Variants in MYO7A observed in about 807,000 individuals in gnomAD.
MYO7A encodes unconventional myosin-VIIa.
A neutral mutation model predicts 263.8 loss-of-function variants in MYO7A; 210 were observed. The observed-to-expected ratio is 0.80, with a 90% CI of 0.71 to 0.89. The LOEUF is 0.89. Ranked by LOEUF, MYO7A falls within the 40% of genes least tolerant of loss-of-function variation. The pLI, the probability that MYO7A is intolerant of heterozygous loss-of-function variation, is 0.00. For missense variants in MYO7A, 2,820 were observed against 2,968.3 expected, an observed-to-expected ratio of 0.95 and a Z score of 1.16; for synonymous variants, 1,239 against 1,197.3, an observed-to-expected ratio of 1.03 and a Z score of -0.72.
rs751732283 is a variant in MYO7A at position 77,208,773 on chromosome 11, C to T, written c.6021C>T (p.Pro2007=). 3.2e-6 allele frequency: 5 copies of T among 1,574,702 alleles called. No individual in the cohort carries two copies. In the African/African-American group the frequency reaches 4.1e-5, roughly 13 times the overall value. Residue 2007 remains proline (P), a synonymous_variant, in exon 44 of 49, where the codon CCC becomes CCT. Transcript: ENST00000409709. ...LWTTTVPGKD[P]MADSIFHYYQ... is the part of the protein sequence containing the mutation. ...CCACCACGGTGCCAGGGAAGGATCC[C>T]ATGGCCGATTCCATCTTCCACTATT...
chr11:77,169,332 A>G (rs1555074586), intron 15 of MYO7A, among the ~76,000 whole-genome samples: 1 of 152,248 alleles, frequency 6.6e-6, no homozygotes, highest in Admixed American at 6.5e-5. Flanking sequence ...CAGCTGTGAT[A>G]AAGGCAGCTC....
At position 77,211,280 on chromosome 11, in the gene MYO7A, G is replaced by T. The variant is rs1457807342; in HGVS notation, c.6180G>T (p.Leu2060=). 3.2e-6 allele frequency: 5 copies of T among 1,581,114 alleles called. No individual in the cohort carries two copies. In the African/African-American group the frequency reaches 6.7e-5, roughly 21 times the overall value. The change falls in exon 45 of 49, where the codon CTG becomes CTT. Residue 2060 remains leucine, a synonymous_variant. Coordinates refer to ENST00000409709, the MANE Select transcript of MYO7A (RefSeq NM_000260.4). The stretch of plus-strand genomic sequence containing the variant: ...ACTTCCCCAGCATCCCCAAGCTGCT[G>T]CGGGAGCTGGTGCCCCAGGACCTTA... ...KSYFPSIPKL[L]RELVPQDLIR...
At chr11:77,160,439 GC>G (rs1445252932) in intron 11 of MYO7A, among the ~76,000 whole-genome samples, 157 bp downstream of exon 11, 1 of 152,192 alleles carries the variant, frequency 6.6e-6, no homozygotes, top group African/African-American at 2.4e-5. Flanking sequence ...AGTCCCAGGT[GC>G]CCATGCTCCT....
At position 77,211,310 on chromosome 11, in the gene MYO7A, G is replaced by C. The variant is rs1173289262; in HGVS notation, c.6210G>C (p.Arg2070=). The change falls in exon 45 of 49, where the codon CGG becomes CGC. Residue 2070 remains arginine (R), a synonymous_variant. Coordinates refer to ENST00000409709, the MANE Select transcript of MYO7A (RefSeq NM_000260.4). The stretch of plus-strand genomic sequence containing the variant: ...AGCTGGTGCCCCAGGACCTTATCCG[G>C]CAGGTCTCACCTGATGACTGGAAGC... ...LRELVPQDLI[R]QVSPDDWKRS... The C allele has an allele frequency of 1.3e-6, 2 of 1,583,216 alleles. No homozygotes were observed. The highest frequency in any genetic ancestry group is 2.7e-5 in the African/African-American group (2 of 74,270).
At chr11:77,143,012 G>A (rs1216545142) in intron 3 of MYO7A, among the ~76,000 whole-genome samples, 190 bp downstream of exon 3, 1 of 152,150 alleles carries the variant, frequency 6.6e-6, no homozygotes, top group African/African-American at 2.4e-5. Flanking sequence ...CCTGCCTCAG[G>A]CTACTTGTTC....
At chr11:77,172,597 G>A in intron 15 of MYO7A, 151 bp from the exon 16 acceptor site, 1 of 1,012,364 alleles carries the variant, frequency 9.9e-7, no homozygotes, top group South Asian at 1.6e-5. Context: ...CAGAAGGTGG[G>A]GAGAGGCAGT....
intron 27 of MYO7A, among the ~76,000 whole-genome samples, chr11:77,187,368 C>T (rs906332945): frequency 6.6e-6 from 1 of 152,196 alleles, no homozygotes; most frequent in Admixed American, 6.5e-5. Flanking sequence ...TGAGGTGTGC[C>T]TGCAGTAGCT....
chr11:77,198,478 C>A lies in MYO7A; in HGVS notation c.4442-17C>A. ...GGTGTGGGAGGCCTGCCTCTCAGTG[C>A]CTTGGTCTCGTCCCAGGCCCCAGTC... On this transcript the variant is annotated splice_polypyrimidine_tract_variant and intron_variant, in intron 33 of 48. Coordinates refer to ENST00000409709, the MANE Select transcript of MYO7A (RefSeq NM_000260.4). 1 of 1,612,594 alleles carries A rather than the reference C, an allele frequency of 6.2e-7. No homozygotes were observed. The highest frequency in any genetic ancestry group is 8.5e-7 in the Non-Finnish European group (1 of 1,178,992).
chr11:77,199,854 G>C (rs753530873), intron 35 of MYO7A, 36 bp downstream of exon 35: 3 of 1,540,552 alleles, frequency 1.9e-6, no homozygotes, highest in Non-Finnish European at 2.6e-6. Context: ...CTGGCACTGG[G>C]GGTCAGGGTG....
At chr11:77,160,079 A>T in intron 10 of MYO7A, 84 bp from the exon 11 acceptor site, 1 of 1,502,156 alleles carries the variant, frequency 6.7e-7, no homozygotes, top group Non-Finnish European at 8.9e-7. Flanking sequence ...GGGCCAGGCC[A>T]GTGCCGGAAA....
intron 14 of MYO7A, among the ~76,000 whole-genome samples, chr11:77,163,482 G>A (rs1953217326): frequency 6.6e-6 from 1 of 152,158 alleles, no homozygotes; most frequent in Non-Finnish European, 1.5e-5. Flanking sequence ...ATCTGGTATG[G>A]CCTATTGCCC....
intron 15 of MYO7A, among the ~76,000 whole-genome samples, chr11:77,167,785 T>C (rs1240598028): frequency 6.6e-6 from 1 of 152,068 alleles, no homozygotes; most frequent in Non-Finnish European, 1.5e-5. Context: ...CCCCCAGCAG[T>C]AGACAGGGCA....
rs746068365 is a variant in MYO7A, at chr11:77,204,211, T to C, written c.5462T>C (p.Leu1821Pro). ...GCATATGTGCAGATCCTGAAGCAGC[T>C]GACCGACAACCACATCAGGTGAGCC... ...DEAYVQILKQ[L>P]TDNHIRYSEE... The change falls in exon 39 of 49, where the codon CTG becomes CCG. Residue 1821 changes from leucine to proline, a missense_variant. Physicochemically the swap from Leu to Pro is moderately conservative, Grantham distance 98. Transcript: ENST00000409709. 1.9e-6 allele frequency: 3 copies of C among 1,577,448 alleles called. No homozygotes were observed. The highest frequency in any genetic ancestry group is 8.6e-7 in the Non-Finnish European group (1 of 1,161,910).
chr11:77,141,165 C>T (rs1333485508), intron 2 of MYO7A, among the ~76,000 whole-genome samples: 7 of 152,144 alleles, frequency 4.6e-5, no homozygotes, highest in Non-Finnish European at 8.8e-5. Flanking sequence ...GAAGTACACT[C>T]GATGACTTCA....
At chr11:77,213,104 G>A (rs183973903) in intron 47 of MYO7A, 69 bp downstream of exon 47, 79 of 1,269,340 alleles carry the variant, frequency 6.2e-5, no homozygotes, top group South Asian at 7.8e-5. Flanking sequence ...GTCCCAGAAC[G>A]AACCCCACAA....
intron 47 of MYO7A, 97 bp downstream of exon 47, chr11:77,213,132 C>G (rs139540168): frequency 1.0e-6 from 1 of 953,894 alleles, no homozygotes; most frequent in Non-Finnish European, 1.6e-6. Flanking sequence ...TAGCCACCAT[C>G]TATCTCTAGA....
intron 13 of MYO7A, 56 bp downstream of exon 13, chr11:77,162,386 C>G: frequency 6.7e-7 from 1 of 1,491,522 alleles, no homozygotes; most frequent in Non-Finnish European, 9.1e-7. Context: ...GCTTCCTTCC[C>G]TGCTTTGAGC....
chr11:77,165,950 G>A (rs1953502088), intron 14 of MYO7A, 106 bp from the exon 15 acceptor site: 1 of 753,696 alleles, frequency 1.3e-6, no homozygotes, highest in Non-Finnish European at 2.3e-6. Flanking sequence ...TGAAATGGAT[G>A]TGGTGGAACT....
Position 77,190,708 on chromosome 11 carries a change from C to T in MYO7A, c.3762C>T (p.Ser1254=). 3 of 1,593,772 alleles carry T rather than the reference C, an allele frequency of 1.9e-6. No individual in the cohort carries two copies. The highest frequency in any genetic ancestry group is 1.1e-5 in the South Asian group (1 of 87,254). ...TGGGGCACTTCCAGGCCACCAAGTC[C>T]AAGAAGCCAATCATGTTGCCCGTGA... ...PSWLELQATK[S]KKPIMLPVTF... is the part of the protein sequence containing the mutation. Residue 1254 remains serine, a synonymous_variant, in exon 30 of 49, where the codon TCC becomes TCT. Transcript: ENST00000409709.
Sources: allele counts gnomAD v4.1 joint callset (sites outside exome capture counted in the v4.1 genomes callset), GRCh38; gene constraint gnomAD v4.1.1; transcripts MANE v1.5; gene names NCBI Gene and HGNC (gene_info 2026-07-23, HGNC 2026-07-21).